EDAR: variants seen among roughly 807,000 people sequenced by gnomAD.
EDAR encodes ectodysplasin A receptor.
A neutral mutation model predicts 51.3 loss-of-function variants in EDAR; 38 were observed. The observed-to-expected ratio is 0.74, with a 90% confidence interval of 0.57 to 0.97. The LOEUF (loss-of-function observed/expected upper bound fraction) is 0.97, where lower values mean the gene tolerates loss of function less well. Among genes scored for constraint, EDAR ranks in the 50% least tolerant of loss-of-function variants. The pLI is 0.00. For synonymous variants in EDAR, 227 were observed against 242.1 expected, an observed-to-expected ratio of 0.94 and a Z score of 0.58; for missense variants, 528 against 595.0, an observed-to-expected ratio of 0.89 and a Z score of 1.17.
intron 11 of EDAR, 91 bp from the exon 12 acceptor site, chr2:108,897,320 T>G: frequency 7.7e-7 from 1 of 1,300,202 alleles, no homozygotes; most frequent in Admixed American, 2.2e-5. Context: ...ATAAAAATTA[T>G]TTGAAAAAAA....
intron 1 of EDAR, among the ~76,000 whole-genome samples, chr2:108,975,854 A>T (rs1299147368): frequency 1.3e-5 from 2 of 152,074 alleles, no homozygotes; most frequent in African/African-American, 4.8e-5. Context: ...CAACTGCTGG[A>T]CGGCGTTCTG....
chr2:108,917,107 T>C (rs1179499259), intron 5 of EDAR, among the ~76,000 whole-genome samples: 1 of 152,170 alleles, frequency 6.6e-6, no homozygotes, highest in Non-Finnish European at 1.5e-5. Context: ...GGCAAGGGTG[T>C]GCCAGAATTT....
At chr2:108,903,898 C>A (rs536531902) in intron 11 of EDAR, among the ~76,000 whole-genome samples, 5 of 152,160 alleles carry the variant, frequency 3.3e-5, no homozygotes, top group African/African-American at 1.2e-4. Context: ...CAAGAGAGAT[C>A]TTAGATTTGA....
At chr2:108,987,228 A>G (rs1698513048) in intron 1 of EDAR, among the ~76,000 whole-genome samples, 1 of 152,250 alleles carries the variant, frequency 6.6e-6, no homozygotes. Flanking sequence ...GGAAACCACA[A>G]AACGCACTCA....
intron 1 of EDAR, among the ~76,000 whole-genome samples, chr2:108,953,367 C>G (rs369912365): frequency 9.8e-5 from 15 of 152,320 alleles, no homozygotes; most frequent in African/African-American, 3.6e-4. Flanking sequence ...GTACTCTCTT[C>G]TCTGGTATCC....
At chr2:108,930,354 C>A (rs1026912935) in intron 2 of EDAR, 112 bp from the exon 3 acceptor site, 1 of 1,224,936 alleles carries the variant, frequency 8.2e-7, no homozygotes, top group African/African-American at 1.5e-5. Context: ...GGGGGCTCTG[C>A]TGGGGGCTCG....
chr2:108,985,980 C>T (rs1385645698), intron 1 of EDAR, among the ~76,000 whole-genome samples: 1 of 152,168 alleles, frequency 6.6e-6, no homozygotes, highest in Non-Finnish European at 1.5e-5. Flanking sequence ...TAATGAATGG[C>T]TGATCCCTGC....
At chr2:108,957,254 C>T (rs909771122) in intron 1 of EDAR, among the ~76,000 whole-genome samples, 3 of 152,222 alleles carry the variant, frequency 2.0e-5, no homozygotes, top group African/African-American at 7.2e-5. Context: ...GGTGGCTGTT[C>T]ACCTTCGCTT....
rs772683408 is a variant in EDAR, at chr2:108,906,381, G to A, written c.964-13C>T. 7.4e-6 allele frequency: 12 copies of A among 1,614,020 alleles called. No homozygotes were observed. The highest frequency in any genetic ancestry group is 4.0e-5 in the African/African-American group (3 of 74,934). On this transcript the variant is annotated splice_polypyrimidine_tract_variant and intron_variant, in intron 10 of 11. Coordinates refer to ENST00000258443, the MANE Select transcript of EDAR (RefSeq NM_022336.4). ...TCCGGCTTTGAATCTGTGAAAAAGA[G>A]TCGAGAATTTTCATCTCCAGAAAGG...
intron 4 of EDAR, among the ~76,000 whole-genome samples, chr2:108,923,944 G>A (rs1233814523): frequency 2.0e-5 from 3 of 152,202 alleles, no homozygotes; most frequent in Non-Finnish European, 4.4e-5. Context: ...CTTTACTGCT[G>A]CTGAATGCCA....
Position 108,916,609 on chromosome 2 carries a change from T to A in EDAR, c.443-3845A>T, listed in dbSNP as rs540474214. The stretch of plus-strand genomic sequence containing the variant: ...TGGCACCAACTAAACGGTCCCCAAC[T>A]GTGCCAGGCTGCAGGTGTAGGCTGG... On this transcript the variant is annotated intron_variant, in intron 5 of 11. Coordinates refer to ENST00000258443, the MANE Select transcript of EDAR (RefSeq NM_022336.4). Among the ~76,000 whole-genome samples, 3 of 152,282 alleles carry A rather than the reference T, an allele frequency of 2.0e-5. No homozygotes were observed. The East Asian group carries it at 5.8e-4, about 29-fold the overall frequency.
In EDAR at chr2:108,930,992, G is replaced by T. The variant is rs745869679; in HGVS notation, c.23C>A (p.Thr8Lys). Reference protein sequence around the residue: MAHVGDCTQTPWLPVLVV... With the variant: MAHVGDCKQTPWLPVLVV... ...CAGGACGGGGAGCCAGGGCGTCTGC[G>T]TGCAGTCCCCCACATGGGCCATCCT... Residue 8 changes from threonine to lysine, a missense_variant, in exon 2 of 12, where the codon ACG becomes AAG. Coordinates refer to ENST00000258443, the MANE Select transcript of EDAR (RefSeq NM_022336.4). 3 of 1,613,852 alleles carry T rather than the reference G, an allele frequency of 1.9e-6. No individual in the cohort carries two copies. The highest frequency in any genetic ancestry group is 1.3e-5 in the African/African-American group (1 of 74,920).
At chr2:108,972,571 G>A (rs1348215778) in intron 1 of EDAR, among the ~76,000 whole-genome samples, 1 of 152,254 alleles carries the variant, frequency 6.6e-6, no homozygotes, top group Non-Finnish European at 1.5e-5. Context: ...GGGTTCAGAA[G>A]CTGGTGCCTT....
At chr2:108,974,391 C>T (rs1358820523) in intron 1 of EDAR, among the ~76,000 whole-genome samples, 1 of 143,148 alleles carries the variant, frequency 7.0e-6, no homozygotes, top group Non-Finnish European at 1.5e-5. Flanking sequence ...TTGTCTTAGA[C>T]ACGATGGTAC....
intron 1 of EDAR, among the ~76,000 whole-genome samples, chr2:108,961,858 A>C (rs1698053787): frequency 6.6e-6 from 1 of 152,174 alleles, no homozygotes; most frequent in Non-Finnish European, 1.5e-5. Flanking sequence ...CCTGTGCTGG[A>C]AATGAATGGA....
chr2:108,915,997 TC>T (rs1238305224), intron 5 of EDAR, among the ~76,000 whole-genome samples: 9 of 152,124 alleles, frequency 5.9e-5, no homozygotes, highest in Non-Finnish European at 1.2e-4. Context: ...AACAGAGCGT[TC>T]CCCCTCACAG....
intron 1 of EDAR, among the ~76,000 whole-genome samples, chr2:108,942,533 G>T (rs1239583241): frequency 6.6e-6 from 1 of 152,272 alleles, no homozygotes; most frequent in Non-Finnish European, 1.5e-5. Flanking sequence ...CGACGGCAGG[G>T]GCCAGCGTCC....
chr2:108,918,005 A>G (rs754478967), intron 5 of EDAR, among the ~76,000 whole-genome samples: 3 of 152,186 alleles, frequency 2.0e-5, no homozygotes, highest in Non-Finnish European at 4.4e-5. Flanking sequence ...AGAATCATAC[A>G]AGTATGCATT....
rs1219823135 is a variant in EDAR, at chr2:108,908,038, T to A, written c.804-19A>T. 6.2e-7 allele frequency: 1 copy of A among 1,602,368 alleles called. No individual in the cohort carries two copies. The highest frequency in any genetic ancestry group is 8.5e-7 in the Non-Finnish European group (1 of 1,172,132). On this transcript the variant is annotated intron_variant, in intron 9 of 11. Coordinates refer to ENST00000258443, the MANE Select transcript of EDAR (RefSeq NM_022336.4). The stretch of plus-strand genomic sequence containing the variant: ...GTTCTCGCTGCAAAAACAAGAGCGA[T>A]GGTCATTAGCAGTGCCTGGGGGGGC...
Sources: allele counts gnomAD v4.1 joint callset (sites outside exome capture counted in the v4.1 genomes callset), GRCh38; gene constraint gnomAD v4.1.1; transcripts MANE v1.5; gene names NCBI Gene and HGNC (gene_info 2026-07-23, HGNC 2026-07-21).